CDKAL1: variants seen among roughly 807,000 people sequenced by gnomAD.
The protein encoded by CDKAL1 is threonylcarbamoyladenosine tRNA methylthiotransferase.
Under a neutral mutation model 68.2 loss-of-function variants are expected in CDKAL1, and 32 were observed. That is an observed-to-expected ratio of 0.47 (90% CI 0.35 to 0.63). CDKAL1 has a LOEUF of 0.63. Among genes scored for constraint, CDKAL1 ranks in the 30% least tolerant of loss-of-function variants. The pLI is 0.00. For synonymous variants in CDKAL1, 234 were observed against 244.3 expected (o/e 0.96, Z 0.39); for missense variants, 606 against 696.7 (o/e 0.87, Z 1.47).
intron 9 of CDKAL1, among the ~76,000 whole-genome samples, chr6:20,876,161 A>G (rs1050801913): frequency 6.6e-6 from 1 of 152,234 alleles, no homozygotes; most frequent in African/African-American, 2.4e-5. Flanking sequence ...GGGTTTTTGA[A>G]GCTGACTCAG....
intron 2 of CDKAL1, among the ~76,000 whole-genome samples, chr6:20,536,525 G>A (rs1029675401): frequency 6.6e-6 from 1 of 151,930 alleles, no homozygotes; most frequent in Non-Finnish European, 1.5e-5. Context: ...CCCTTGAATT[G>A]TCTAGGTTAT....
chr6:20,957,630 A>G (rs145269222), intron 10 of CDKAL1, among the ~76,000 whole-genome samples: 110 of 152,282 alleles, frequency 7.2e-4, no homozygotes, highest in African/African-American at 2.6e-3. Flanking sequence ...CTGTGGATCT[A>G]TCCCACCCAG....
At chr6:20,624,869 T>C (rs9356741) in intron 4 of CDKAL1, among the ~76,000 whole-genome samples, 73,703 of 151,308 alleles carry the variant, frequency 0.49, 18,040 homozygotes, top group East Asian at 0.64. Context: ...TAGGGTAGGC[T>C]GTAGAATAGA....
intron 8 of CDKAL1, among the ~76,000 whole-genome samples, chr6:20,812,543 C>G (rs1472535204): frequency 6.6e-6 from 1 of 152,190 alleles, no homozygotes; most frequent in Non-Finnish European, 1.5e-5. Flanking sequence ...TCATTCTTCT[C>G]TGCATCCCCA....
intron 5 of CDKAL1, among the ~76,000 whole-genome samples, chr6:20,737,840 T>C (rs1350347115): frequency 6.6e-6 from 1 of 152,194 alleles, no homozygotes; most frequent in Non-Finnish European, 1.5e-5. Flanking sequence ...TGAAATGAAA[T>C]GCAGGTGCCG....
At chr6:21,176,691 TTTTTG>T (rs1562093884) in intron 13 of CDKAL1, among the ~76,000 whole-genome samples, 14 of 135,956 alleles carry the variant, frequency 1.0e-4, no homozygotes, top group South Asian at 2.2e-4. Context: ...GGTTTTTTTT[TTTTTG>T]TTTTTTTTTT....
chr6:20,933,345 CAATGTTATTTAGCCA>C (rs1763556210), intron 9 of CDKAL1, among the ~76,000 whole-genome samples: 1 of 152,178 alleles, frequency 6.6e-6, no homozygotes, highest in Non-Finnish European at 1.5e-5. Flanking sequence ...TTTATGTCAA[CAATGTTATTTAGCCA>C]AATAGGTGGC....
intron 8 of CDKAL1, 104 bp from the exon 9 acceptor site, chr6:20,845,971 A>G: frequency 1.5e-6 from 1 of 651,972 alleles, no homozygotes; most frequent in Non-Finnish European, 2.6e-6. Context: ...AACCAAGCAA[A>G]TGTTTCTGAA....
chr6:21,051,415 G>C (rs1171021442), intron 11 of CDKAL1, among the ~76,000 whole-genome samples: 3 of 152,130 alleles, frequency 2.0e-5, no homozygotes, highest in Non-Finnish European at 4.4e-5. Context: ...GTGAACTTAT[G>C]ATCAGCCAGT....
At chr6:21,158,894 TA>T (rs1192789773) in intron 13 of CDKAL1, among the ~76,000 whole-genome samples, 1 of 152,218 alleles carries the variant, frequency 6.6e-6, no homozygotes, top group Non-Finnish European at 1.5e-5. Flanking sequence ...AACATATATG[TA>T]CCTAATTATT....
chr6:20,975,683 C>T (rs992179619), intron 10 of CDKAL1, among the ~76,000 whole-genome samples: 2 of 152,114 alleles, frequency 1.3e-5, no homozygotes, highest in Non-Finnish European at 1.5e-5. Context: ...TTCAATTATA[C>T]ATTTGAAAAA....
chr6:21,100,147 G>T (rs1262393959), intron 12 of CDKAL1, among the ~76,000 whole-genome samples: 1 of 151,974 alleles, frequency 6.6e-6, no homozygotes, highest in East Asian at 1.9e-4. Context: ...AGAGGCTGAT[G>T]GTTGCAACTT....
intron 4 of CDKAL1, among the ~76,000 whole-genome samples, chr6:20,646,969 T>G (rs137910567): frequency 0.01 from 1,586 of 152,204 alleles, 29 homozygotes; most frequent in African/African-American, 0.036. Flanking sequence ...GGTCTCGAAC[T>G]CCTAACCTCA....
At chr6:20,916,102 G>A (rs768516387) in intron 9 of CDKAL1, among the ~76,000 whole-genome samples, 8 of 152,130 alleles carry the variant, frequency 5.3e-5, no homozygotes, top group Admixed American at 2.6e-4. Flanking sequence ...TCTGTGTGCC[G>A]ACTGTAGTAA....
chr6:20,715,453 T>C (rs1044212898), intron 5 of CDKAL1, among the ~76,000 whole-genome samples: 1 of 152,238 alleles, frequency 6.6e-6, no homozygotes, highest in African/African-American at 2.4e-5. Context: ...TCCATTTGTC[T>C]GTCCATAGAC....
chr6:21,188,213 A>G (rs1414884499), intron 13 of CDKAL1, among the ~76,000 whole-genome samples: 1 of 152,186 alleles, frequency 6.6e-6, no homozygotes, highest in Non-Finnish European at 1.5e-5. Context: ...CAATCTTAAT[A>G]TACTTTTTTT....
At chr6:20,940,018 C>T (rs1306371381) in intron 9 of CDKAL1, among the ~76,000 whole-genome samples, 1 of 152,072 alleles carries the variant, frequency 6.6e-6, no homozygotes, top group Non-Finnish European at 1.5e-5. Context: ...GGACTCAAAA[C>T]TTTGAAGTAT....
intron 5 of CDKAL1, among the ~76,000 whole-genome samples, chr6:20,653,175 A>C (rs1768853403): frequency 6.6e-6 from 1 of 152,300 alleles, no homozygotes; most frequent in South Asian, 2.1e-4. Context: ...TCCTGCTATG[A>C]CTATTTTAAA....
At chr6:20,793,948 G>A (rs1044728675) in intron 8 of CDKAL1, among the ~76,000 whole-genome samples, 3 of 151,020 alleles carry the variant, frequency 2.0e-5, no homozygotes, top group Non-Finnish European at 3.0e-5. Flanking sequence ...AACAGCATCA[G>A]TATGGCTTGC....
Sources: gnomAD v4.1 joint callset for allele counts (sites outside exome capture counted in the v4.1 genomes callset) on GRCh38, gnomAD v4.1.1 for gene constraint, MANE v1.5 for transcripts, NCBI Gene and HGNC (gene_info 2026-07-23, HGNC 2026-07-21) for gene names.